The following SLC35F3 variants were observed in gnomAD, a reference collection of about 807,000 sequenced individuals.
SLC35F3 encodes putative thiamine transporter SLC35F3.
Under a neutral mutation model 49.9 loss-of-function variants are expected in SLC35F3, and 25 were observed. The ratio of observed to expected loss-of-function variants is 0.50; its 90% CI spans 0.37 to 0.70. The LOEUF (loss-of-function observed/expected upper bound fraction) is 0.70, where lower values mean the gene tolerates loss of function less well. Ranked by LOEUF, SLC35F3 falls within the 30% of genes least tolerant of loss-of-function variation. SLC35F3 has a pLI of 0.00. For missense variants in SLC35F3, 525 were observed against 639.8 expected (o/e 0.82, Z 1.94); for synonymous variants, 275 against 265.4 (o/e 1.04, Z -0.35).
At chr1:234,247,361 CGGTAGGTTGGTTGGCTGGTCCATTTTTA>C (rs1558272458) in intron 3 of SLC35F3, among the ~76,000 whole-genome samples, 3 of 151,562 alleles carry the variant, frequency 2.0e-5, no homozygotes, top group Non-Finnish European at 2.9e-5. Flanking sequence ...TTCCATTGTT[CGGTAGGTTGGTTGGCTGGTCCATTTTTA>C]GGTGGGTTGG....
chr1:234,148,968 G>C (rs1666034679), intron 2 of SLC35F3, among the ~76,000 whole-genome samples: 1 of 152,172 alleles, frequency 6.6e-6, no homozygotes, highest in Admixed American at 6.5e-5. Context: ...GGATGGAATG[G>C]GAGCAGAGAT....
chr1:234,053,300 T>A (rs1449343159), intron 2 of SLC35F3, among the ~76,000 whole-genome samples: 1 of 151,996 alleles, frequency 6.6e-6, no homozygotes, highest in Non-Finnish European at 1.5e-5. Flanking sequence ...TCTAAGGACT[T>A]GCTTTATGAA....
At chr1:234,299,394 G>T (rs956910333) in intron 3 of SLC35F3, among the ~76,000 whole-genome samples, 9 of 152,134 alleles carry the variant, frequency 5.9e-5, no homozygotes, top group African/African-American at 2.2e-4. Flanking sequence ...AACAGAAATT[G>T]ACTAGTATGA....
intron 2 of SLC35F3, among the ~76,000 whole-genome samples, chr1:233,986,046 C>T (rs1217287187): frequency 6.6e-6 from 1 of 152,074 alleles, no homozygotes; most frequent in African/African-American, 2.4e-5. Flanking sequence ...GACCTTAGTA[C>T]CCTGATCTTA....
chr1:234,189,029 C>A (rs1666689825), intron 2 of SLC35F3, among the ~76,000 whole-genome samples: 1 of 152,076 alleles, frequency 6.6e-6, no homozygotes, highest in Admixed American at 6.5e-5. Flanking sequence ...TCCAAGGGAG[C>A]ACCCCATGGG....
At chr1:233,990,262 G>T (rs1284799136) in intron 2 of SLC35F3, among the ~76,000 whole-genome samples, 1 of 152,092 alleles carries the variant, frequency 6.6e-6, no homozygotes, top group East Asian at 1.9e-4. Context: ...TACTAGAAGT[G>T]CATGCTCAAG....
intron 2 of SLC35F3, among the ~76,000 whole-genome samples, chr1:234,187,462 C>T (rs1301815892): frequency 6.6e-6 from 1 of 152,164 alleles, no homozygotes; most frequent in African/African-American, 2.4e-5. Flanking sequence ...TCGGGAGTCA[C>T]ATTGTGAACT....
At chr1:234,318,646 T>A in intron 5 of SLC35F3, 105 bp from the exon 6 acceptor site, 1 of 953,756 alleles carries the variant, frequency 1.0e-6, no homozygotes, top group Non-Finnish European at 1.6e-6. Context: ...CTGGTTTCCA[T>A]CCTGCAGTGC....
intron 2 of SLC35F3, among the ~76,000 whole-genome samples, chr1:234,050,481 G>T (rs561907986): frequency 6.6e-6 from 1 of 152,156 alleles, no homozygotes; most frequent in East Asian, 1.9e-4. Flanking sequence ...TTTTTGATGG[G>T]GTTGTTTGAT....
chr1:233,994,340 A>C (rs1024390308), intron 2 of SLC35F3, among the ~76,000 whole-genome samples: 3 of 152,208 alleles, frequency 2.0e-5, no homozygotes, highest in Admixed American at 2.0e-4. Context: ...GAGAAAGGTT[A>C]TCCAAAATGG....
chr1:233,961,496 C>T (rs1021480906), intron 2 of SLC35F3, among the ~76,000 whole-genome samples: 111 of 141,140 alleles, frequency 7.9e-4, no homozygotes, highest in African/African-American at 2.5e-3. Context: ...TCGCTTTGTC[C>T]TCCAGGCTGG....
chr1:234,273,599 T>C (rs988475912), intron 3 of SLC35F3, among the ~76,000 whole-genome samples: 10 of 152,228 alleles, frequency 6.6e-5, no homozygotes, highest in African/African-American at 1.9e-4. Flanking sequence ...TTCTAAATTA[T>C]GCAAGACTTC....
chr1:234,111,588 C>T (rs546490571), intron 2 of SLC35F3, among the ~76,000 whole-genome samples: 97 of 152,306 alleles, frequency 6.4e-4, no homozygotes, highest in African/African-American at 2.2e-3. Flanking sequence ...CCGCTGCGCC[C>T]GGTTGTCCTC....
chr1:234,099,620 A>C (rs960873414), intron 2 of SLC35F3, among the ~76,000 whole-genome samples: 3 of 150,472 alleles, frequency 2.0e-5, no homozygotes, highest in African/African-American at 5.0e-5. Context: ...AAAAAAAAAA[A>C]AAAAAAACAA....
At chr1:234,063,030 G>T (rs1244260334) in intron 2 of SLC35F3, among the ~76,000 whole-genome samples, 2 of 151,942 alleles carry the variant, frequency 1.3e-5, no homozygotes, top group African/African-American at 2.4e-5. Flanking sequence ...TGGAGAAAAT[G>T]ACATGCTTCT....
At chr1:234,103,035 A>G (rs1369470279) in intron 2 of SLC35F3, among the ~76,000 whole-genome samples, 1 of 152,256 alleles carries the variant, frequency 6.6e-6, no homozygotes, top group East Asian at 1.9e-4. Context: ...GCTTTGGGAA[A>G]AAAACCATAA....
rs1661744874 is a variant in SLC35F3, at chr1:233,904,955, G to A, written c.-123G>A. The A allele has an allele frequency of 1.8e-6, 2 of 1,123,396 alleles. No homozygotes were observed. The highest frequency in any genetic ancestry group is 2.5e-6 in the Non-Finnish European group (2 of 814,922). 69.6% of individuals were successfully genotyped at this position (1,123,396 alleles called of 1,614,324 possible). A position where few individuals can be genotyped will look rare whatever the true frequency, so the allele number is the denominator to read the frequency against. ...CACAAAGCGGCCCGGGGCGGCCGGC[G>A]CGGCGCAGACCCTCGGTGGGCAGCG... On this transcript the variant is annotated 5_prime_UTR_variant, in exon 1 of 8. Coordinates refer to ENST00000366618, the MANE Select transcript of SLC35F3 (RefSeq NM_173508.4).
At chr1:234,143,334 G>T (rs1239123454) in intron 2 of SLC35F3, among the ~76,000 whole-genome samples, 1 of 146,296 alleles carries the variant, frequency 6.8e-6, no homozygotes, top group East Asian at 2.2e-4. Flanking sequence ...TGTGGCCCAG[G>T]CTGGAGTGCA....
At position 233,946,615 on chromosome 1, in the gene SLC35F3, C is replaced by T. The variant is rs1285595806; in HGVS notation, c.283+40857C>T. Among the ~76,000 whole-genome samples the T allele has an allele frequency of 2.0e-5, 3 of 151,670 alleles. No individual in the cohort carries two copies. In the East Asian group the frequency reaches 5.8e-4, roughly 29 times the overall value. The stretch of plus-strand genomic sequence containing the variant: ...CTTTTAAAGACGATTTATGTAAGAC[C>T]AGTGGTGTACGTGCCAATGCTTGTT... On this transcript the variant is annotated intron_variant, in intron 2 of 7. Coordinates refer to ENST00000366618, the MANE Select transcript of SLC35F3 (RefSeq NM_173508.4).
Sources: allele counts gnomAD v4.1 joint callset (sites outside exome capture counted in the v4.1 genomes callset), GRCh38; gene constraint gnomAD v4.1.1; transcripts MANE v1.5; gene names NCBI Gene and HGNC (gene_info 2026-07-23, HGNC 2026-07-21).